Variants in RGSL1 observed in about 807,000 individuals in gnomAD.
RGSL1 encodes regulator of G protein signaling like 1.
RGSL1 carries 97 observed loss-of-function variants against 124.7 expected under a neutral mutation model. The observed-to-expected ratio is 0.78, with a 90% confidence interval of 0.66 to 0.92. RGSL1 has a LOEUF of 0.92. Ranked by LOEUF, RGSL1 falls within the 40% of genes least tolerant of loss-of-function variation. RGSL1 has a pLI of 0.00. For synonymous variants in RGSL1, 424 were observed against 438.1 expected (o/e 0.97, Z 0.40); for missense variants, 1,233 against 1,288.4 (o/e 0.96, Z 0.66).
At chr1:182,478,102 A>G (rs1654432504) in intron 6 of RGSL1, among the ~76,000 whole-genome samples, 2 of 151,970 alleles carry the variant, frequency 1.3e-5, no homozygotes, top group African/African-American at 4.8e-5. Flanking sequence ...TTTTTTTGAG[A>G]GACAGGGTCT....
chr1:182,501,307 C>CTTTTTTTTTTTTTTTTTTTTTTTTTT (rs141279993), intron 9 of RGSL1, among the ~76,000 whole-genome samples: 30 of 61,340 alleles, frequency 4.9e-4, no homozygotes, highest in Non-Finnish European at 6.2e-4. Flanking sequence ...TTTTTCTTTT[C>CTTTTTTTTTTTTTTTTTTTTTTTTTT]TTTTTTTTTT....
intron 6 of RGSL1, among the ~76,000 whole-genome samples, chr1:182,477,489 G>C (rs1291470085): frequency 1.3e-5 from 2 of 152,166 alleles, no homozygotes; most frequent in Non-Finnish European, 2.9e-5. Context: ...CTGATAACAG[G>C]CTTGCTGACC....
In RGSL1 at chr1:182,533,919, T is replaced by C. The variant is rs553773028; in HGVS notation, c.2494+1128T>C. ...GGTAGGTGGGATGGGAGGAGAGTGA[T>C]TTCTAGGTATGCACAGAATCATAAA... On this transcript the variant is annotated intron_variant, in intron 14 of 21. Coordinates refer to ENST00000294854, the MANE Select transcript of RGSL1 (RefSeq NM_001137669.2). Among the ~76,000 whole-genome samples the C allele has an allele frequency of 1.4e-4, 22 of 152,292 alleles. No homozygotes were observed. In the East Asian group the frequency reaches 3.7e-3, roughly 25 times the overall value.
At chr1:182,523,836 A>C (rs983923616) in intron 10 of RGSL1, among the ~76,000 whole-genome samples, 1 of 152,366 alleles carries the variant, frequency 6.6e-6, no homozygotes, top group Non-Finnish European at 1.5e-5. Flanking sequence ...GGCTGACCTT[A>C]AAATGTTATG....
At position 182,508,672 on chromosome 1, in the gene RGSL1, G is replaced by GTT. The variant is rs869237122; in HGVS notation, c.1826-13313_1826-13312dup. On this transcript the variant is annotated intron_variant, in intron 9 of 21. Coordinates refer to ENST00000294854, the MANE Select transcript of RGSL1 (RefSeq NM_001137669.2). ...TTTTTCATATACCTATTGACTATTT[G>GTT]TTTTTTTTTTTTTTTTTTTTAATTT... Among the ~76,000 whole-genome samples the GTT allele has an allele frequency of 2.6e-3, 36 of 13,998 alleles. No individual in the cohort carries two copies. The East Asian group carries it at 0.027, about 10-fold the overall frequency. 9.2% of individuals were successfully genotyped at this position (13,998 alleles called of 152,430 possible).
In RGSL1 at chr1:182,473,775, G is replaced by A. The variant is rs201581081; in HGVS notation, c.664G>A (p.Val222Ile). 5.4e-4 allele frequency: 835 copies of A among 1,551,676 alleles called. No homozygotes were observed. The highest frequency in any genetic ancestry group is 2.7e-3 in the Middle Eastern group (16 of 5,990). The change falls in exon 6 of 22, where the codon GTT becomes ATT. Residue 222 changes from valine to isoleucine, a missense_variant. Transcript: ENST00000294854. The stretch of plus-strand genomic sequence containing the variant: ...AGAGTACGAGACTCGCTTATACAGC[G>A]TTTGCTACACCCACATAGGAGGGCT... ...MQEYETRLYS[V>I]CYTHIGGLPL...
At chr1:182,476,032 A>G (rs1654264957) in intron 6 of RGSL1, among the ~76,000 whole-genome samples, 1 of 152,174 alleles carries the variant, frequency 6.6e-6, no homozygotes, top group Non-Finnish European at 1.5e-5. Flanking sequence ...TAGCTAGTAG[A>G]TGATCCAGGA....
At chr1:182,487,873 T>C (rs1221245563) in intron 6 of RGSL1, among the ~76,000 whole-genome samples, 2 of 152,208 alleles carry the variant, frequency 1.3e-5, no homozygotes, top group African/African-American at 4.8e-5. Context: ...TGTAATAAAA[T>C]GTTATTCACA....
In RGSL1 at chr1:182,498,161, A is replaced by G. The variant is rs529507225; in HGVS notation, c.1825+5032A>G. Among the ~76,000 whole-genome samples the G allele has an allele frequency of 7.9e-4, 120 of 152,272 alleles. 1 individual carries two copies. The Middle Eastern group carries it at 0.034, about 43-fold the overall frequency. On this transcript the variant is annotated intron_variant, in intron 9 of 21. Coordinates refer to ENST00000294854, the MANE Select transcript of RGSL1 (RefSeq NM_001137669.2). ...TTACACTCTTAATTCATTAATTTAT[A>G]TGAACTCTTTTTTTTATTCAATGGG...
chr1:182,474,633 G>A, intron 6 of RGSL1, 91 bp downstream of exon 6: 1 of 1,428,678 alleles, frequency 7.0e-7, no homozygotes, highest in South Asian at 1.5e-5. Flanking sequence ...CTGGCTAAGT[G>A]ACTATATAAT....
intron 2 of RGSL1, among the ~76,000 whole-genome samples, chr1:182,456,671 A>G (rs897295386): frequency 2.6e-5 from 4 of 152,214 alleles, no homozygotes; most frequent in African/African-American, 4.8e-5. Flanking sequence ...AATGTTCTAG[A>G]AACAGAGAGT....
chr1:182,556,307 C>G (rs1217716698), intron 21 of RGSL1, 85 bp downstream of exon 21: 29 of 451,810 alleles, frequency 6.4e-5, no homozygotes, highest in Non-Finnish European at 7.9e-6. Flanking sequence ...AGGTCTTGCT[C>G]CACATCTTCC....
chr1:182,471,416 T>C, intron 4 of RGSL1: 4 of 456,586 alleles, frequency 8.8e-6, no homozygotes, highest in South Asian at 4.7e-5. Context: ...CCTGGGGCTT[T>C]TGCAAGTTCC....
intron 9 of RGSL1, among the ~76,000 whole-genome samples, chr1:182,508,122 C>G (rs1428958021): frequency 6.6e-6 from 1 of 152,044 alleles, no homozygotes; most frequent in Non-Finnish European, 1.5e-5. Context: ...TTCATACTGG[C>G]TGTACTAATT....
At chr1:182,453,200 A>C (rs1018813682) in intron 1 of RGSL1, among the ~76,000 whole-genome samples, 2 of 152,240 alleles carry the variant, frequency 1.3e-5, no homozygotes, top group Non-Finnish European at 2.9e-5. Flanking sequence ...GATCAAATTA[A>C]TATTCAAGAA....
intron 14 of RGSL1, among the ~76,000 whole-genome samples, chr1:182,534,396 C>T (rs1659398173): frequency 6.6e-6 from 1 of 151,928 alleles, no homozygotes. Context: ...TATTTATTGG[C>T]CATTTGTATT....
intron 9 of RGSL1, among the ~76,000 whole-genome samples, chr1:182,496,995 T>C (rs533424105): frequency 6.6e-6 from 1 of 152,170 alleles, no homozygotes; most frequent in African/African-American, 2.4e-5. Flanking sequence ...TTATTGTTTA[T>C]CTTGCCCAAT....
Position 182,474,023 on chromosome 1 carries a change from A to T in RGSL1, c.912A>T (p.Arg304Ser), listed in dbSNP as rs1654071761. 6.4e-7 allele frequency: 1 copy of T among 1,551,818 alleles called. No homozygotes were observed. Among genetic ancestry groups the T allele is most frequent in the Non-Finnish European group, 8.7e-7 (1 of 1,147,012 alleles). ...AAATGGCTTCTTCAAAGGAAACAAGAATCAGTTCCCTGGAAAAGGATATGC... is the reference window on the plus strand; with the variant it reads ...AAATGGCTTCTTCAAAGGAAACAAGTATCAGTTCCCTGGAAAAGGATATGC... ...SLKMASSKETRISSLEKDMHY... is the reference protein window; with the variant it reads ...SLKMASSKETSISSLEKDMHY... The change falls in exon 6 of 22, where the codon AGA becomes AGT. Residue 304 changes from arginine (R) to serine (S), a missense_variant. Arg to Ser is a moderately radical substitution (Grantham distance 110, BLOSUM62 -1). Transcript: ENST00000294854.
rs576823164 is a variant in RGSL1 at position 182,554,952 on chromosome 1, G to T, written c.3197+259G>T. The T allele has an allele frequency of 3.1e-5, 15 of 486,606 alleles. 1 individual carries two copies. In the South Asian group the frequency reaches 4.7e-4, roughly 15 times the overall value. The allele number at this position is 486,606 out of a possible 1,614,324, so 30.1% of individuals were successfully genotyped here. A position where few individuals can be genotyped will look rare whatever the true frequency, so the allele number is the denominator to read the frequency against. On this transcript the variant is annotated intron_variant, in intron 20 of 21. Coordinates refer to ENST00000294854, the MANE Select transcript of RGSL1 (RefSeq NM_001137669.2). ...ACCCACTTTTCAGTAGAACAATACT[G>T]CTGTGGAAGTGTCCCAGATGATCTT...
Sources: allele counts gnomAD v4.1 joint callset (sites outside exome capture counted in the v4.1 genomes callset), GRCh38; gene constraint gnomAD v4.1.1; transcripts MANE v1.5; gene names NCBI Gene and HGNC (gene_info 2026-07-23, HGNC 2026-07-21).